Variants in ERBB4 observed in about 807,000 individuals in gnomAD.
The protein encoded by ERBB4 is receptor tyrosine-protein kinase erbB-4.
ERBB4 carries 42 observed loss-of-function variants against 158.0 expected under a neutral mutation model. The observed-to-expected ratio is 0.27, with a 90% CI of 0.21 to 0.34. The LOEUF is 0.34. Among genes scored for constraint, ERBB4 ranks in the 10% least tolerant of loss-of-function variants. The pLI is 1.00. For synonymous variants in ERBB4, 583 were observed against 558.7 expected (o/e 1.04, Z -0.61); for missense variants, 1,333 against 1,624.1 (o/e 0.82, Z 3.08).
intron 20 of ERBB4, among the ~76,000 whole-genome samples, chr2:211,481,727 T>A (rs1156315050): frequency 1.3e-5 from 2 of 152,100 alleles, no homozygotes; most frequent in Admixed American, 6.6e-5. Flanking sequence ...CTAGGATACT[T>A]TGTTGGATAA....
At chr2:211,691,490 C>T in intron 12 of ERBB4, among the ~76,000 whole-genome samples, 1 of 151,602 alleles carries the variant, frequency 6.6e-6, no homozygotes, top group East Asian at 1.9e-4. Context: ...AAATAGAATA[C>T]ATATTTTGTT....
intron 1 of ERBB4, among the ~76,000 whole-genome samples, chr2:212,207,426 A>G (rs1288938304): frequency 6.6e-6 from 1 of 152,208 alleles, no homozygotes; most frequent in East Asian, 1.9e-4. Context: ...CTATATGATA[A>G]TATATGACAG....
chr2:211,443,510 TG>T (rs2064036074), intron 20 of ERBB4, among the ~76,000 whole-genome samples: 1 of 152,110 alleles, frequency 6.6e-6, no homozygotes, highest in African/African-American at 2.4e-5. Context: ...CCTCTTCTTT[TG>T]GTCTCCTCTC....
At chr2:211,803,019 A>C (rs1389342625) in intron 3 of ERBB4, among the ~76,000 whole-genome samples, 1 of 152,250 alleles carries the variant, frequency 6.6e-6, no homozygotes, top group African/African-American at 2.4e-5. Context: ...CACATTTTCA[A>C]GGAAAATCCT....
intron 3 of ERBB4, among the ~76,000 whole-genome samples, chr2:211,933,799 C>G (rs1297943392): frequency 6.6e-6 from 1 of 151,996 alleles, no homozygotes; most frequent in East Asian, 1.9e-4. Context: ...AATATCGCAT[C>G]TACGATCCTC....
chr2:211,968,438 A>G (rs912000760), intron 2 of ERBB4, among the ~76,000 whole-genome samples: 4 of 152,100 alleles, frequency 2.6e-5, no homozygotes, highest in Admixed American at 6.6e-5. Flanking sequence ...CAAATAGGAC[A>G]TGATTAAGAT....
At position 211,377,080 on chromosome 2, in the gene ERBB4, G is replaced by T. The variant is rs955193807; in HGVS notation, c.*6535C>A. 12 of 232,826 alleles carry T rather than the reference G, an allele frequency of 5.2e-5. No individual in the cohort carries two copies. Among genetic ancestry groups the T allele is most frequent in the Non-Finnish European group, 9.4e-5 (11 of 117,626 alleles). The allele number at this position is 232,826 out of a possible 1,614,324, so 14.4% of individuals were successfully genotyped here. On this transcript the variant is annotated 3_prime_UTR_variant, in exon 28 of 28. Transcript: ENST00000342788. ...TGATTACTGGAGTAATCCCAAAAGG[G>T]TTCTTGGAGTGCTATGGTTGTAGTC...
At chr2:211,618,336 G>A (rs1311103935) in intron 19 of ERBB4, among the ~76,000 whole-genome samples, 2 of 151,980 alleles carry the variant, frequency 1.3e-5, no homozygotes, top group Non-Finnish European at 2.9e-5. Context: ...CTGGCCTGCA[G>A]CTTATTTATG....
intron 1 of ERBB4, among the ~76,000 whole-genome samples, chr2:212,402,979 T>C (rs2106467272): frequency 6.6e-6 from 1 of 152,214 alleles, no homozygotes; most frequent in Non-Finnish European, 1.5e-5. Flanking sequence ...TTGGAAGACC[T>C]GTTGTTTATT....
At chr2:211,967,076 G>A (rs2081328549) in intron 2 of ERBB4, among the ~76,000 whole-genome samples, 1 of 152,020 alleles carries the variant, frequency 6.6e-6, no homozygotes, top group Non-Finnish European at 1.5e-5. Flanking sequence ...CTTACACTTA[G>A]CGTACTTAAA....
At chr2:212,159,465 A>G (rs1175675226) in intron 1 of ERBB4, among the ~76,000 whole-genome samples, 1 of 151,988 alleles carries the variant, frequency 6.6e-6, no homozygotes, top group African/African-American at 2.4e-5. Flanking sequence ...GTAGATTTAC[A>G]TATGTATTAC....
At chr2:211,910,936 C>A (rs911153149) in intron 3 of ERBB4, among the ~76,000 whole-genome samples, 13 of 152,112 alleles carry the variant, frequency 8.5e-5, no homozygotes. Flanking sequence ...TTACATTATT[C>A]ATACTTGACA....
In ERBB4 at chr2:212,333,743, A is replaced by G. The variant is rs149670336; in HGVS notation, c.82+204706T>C. On this transcript the variant is annotated intron_variant, in intron 1 of 27. Transcript: ENST00000342788. ...CCACCTGTATATCTACTAAATCAGA[A>G]CCCTAGTTTGCAGGGATGGAGGAAA... 8.7e-3 allele frequency among the ~76,000 whole-genome samples: 1,322 copies of G among 151,782 alleles called. 15 individuals carry two copies. The highest frequency in any genetic ancestry group is 0.03 in the African/African-American group (1,230 of 41,392).
At chr2:212,255,162 C>A (rs2084680777) in intron 1 of ERBB4, among the ~76,000 whole-genome samples, 1 of 152,044 alleles carries the variant, frequency 6.6e-6, no homozygotes, top group Admixed American at 6.6e-5. Flanking sequence ...ACCTGAAAAT[C>A]TTCATATTAC....
chr2:212,182,615 T>C (rs77206590), intron 1 of ERBB4, among the ~76,000 whole-genome samples: 2,723 of 151,960 alleles, frequency 0.018, 88 homozygotes, highest in African/African-American at 0.063. Flanking sequence ...TTCAGTGGTG[T>C]CTTAGAACCA....
At chr2:212,153,514 C>T (rs534863694) in intron 1 of ERBB4, among the ~76,000 whole-genome samples, 4 of 152,232 alleles carry the variant, frequency 2.6e-5, no homozygotes, top group Non-Finnish European at 4.4e-5. Flanking sequence ...TAGACACATT[C>T]TGAGACAGAG....
At chr2:211,700,971 AG>A (rs2073213657) in intron 12 of ERBB4, among the ~76,000 whole-genome samples, 2 of 152,212 alleles carry the variant, frequency 1.3e-5, no homozygotes, top group Non-Finnish European at 2.9e-5. Context: ...CATAGGATGT[AG>A]GAAAGAGTAG....
intron 1 of ERBB4, among the ~76,000 whole-genome samples, chr2:212,148,831 A>G (rs2080770544): frequency 7.6e-6 from 1 of 131,366 alleles, no homozygotes; most frequent in Non-Finnish European, 1.6e-5. Flanking sequence ...AATACTATGC[A>G]GCCATAAAAA....
At chr2:212,301,264 A>G (rs1358934370) in intron 1 of ERBB4, among the ~76,000 whole-genome samples, 1 of 151,052 alleles carries the variant, frequency 6.6e-6, no homozygotes. Context: ...TATCGCTTCT[A>G]TTTTTCCTTT....
Sources: gnomAD v4.1 joint callset for allele counts (sites outside exome capture counted in the v4.1 genomes callset) on GRCh38, gnomAD v4.1.1 for gene constraint, MANE v1.5 for transcripts, NCBI Gene and HGNC (gene_info 2026-07-23, HGNC 2026-07-21) for gene names.